Variants in ALK observed in about 807,000 individuals in gnomAD.
ALK encodes the protein ALK tyrosine kinase receptor.
A neutral mutation model predicts 163.1 loss-of-function variants in ALK; 74 were observed. The ratio of observed to expected loss-of-function variants is 0.45; its 90% confidence interval spans 0.38 to 0.55. The LOEUF is 0.55. ALK is among the 20% of genes least tolerant of loss of function. The probability of loss-of-function intolerance (pLI) is 0.00; values close to 1 mark genes in which losing one functional copy is unlikely to be tolerated. For missense variants in ALK, 2,063 were observed against 2,105.3 expected (o/e 0.98, Z 0.39); for synonymous variants, 960 against 843.2 (o/e 1.14, Z -2.40).
At chr2:29,464,880 G>A (rs1671170681) in intron 4 of ALK, among the ~76,000 whole-genome samples, 1 of 152,120 alleles carries the variant, frequency 6.6e-6, no homozygotes, top group Non-Finnish European at 1.5e-5. Context: ...CATTAGACTT[G>A]AAGACAAAGC....
intron 8 of ALK, among the ~76,000 whole-genome samples, chr2:29,305,733 G>C (rs1279911575): frequency 6.6e-6 from 1 of 152,218 alleles, no homozygotes; most frequent in Non-Finnish European, 1.5e-5. Flanking sequence ...TCTGACACCA[G>C]AGACCAGTTT....
intron 23 of ALK, among the ~76,000 whole-genome samples, chr2:29,215,293 G>A (rs964449225): frequency 6.6e-6 from 1 of 152,204 alleles, no homozygotes; most frequent in African/African-American, 2.4e-5. Context: ...GGCTTAGCCT[G>A]CTGGAGGTTT....
At chr2:29,310,725 C>G (rs766688287) in intron 8 of ALK, among the ~76,000 whole-genome samples, 3 of 152,220 alleles carry the variant, frequency 2.0e-5, no homozygotes, top group Non-Finnish European at 4.4e-5. Flanking sequence ...GTCCCTCCCT[C>G]GCTCATCCCT....
chr2:29,530,725 A>T (rs1181730050), intron 4 of ALK, among the ~76,000 whole-genome samples: 2 of 152,198 alleles, frequency 1.3e-5, no homozygotes, highest in African/African-American at 4.8e-5. Flanking sequence ...GGTCCCAAAC[A>T]AGGGGCAGCC....
chr2:29,515,868 GA>G (rs937305323), intron 4 of ALK, among the ~76,000 whole-genome samples: 2 of 152,210 alleles, frequency 1.3e-5, no homozygotes, highest in African/African-American at 2.4e-5. Flanking sequence ...GGCAAGAGGG[GA>G]AAGTTCAATT....
At chr2:29,545,320 G>A (rs1249433982) in intron 3 of ALK, among the ~76,000 whole-genome samples, 1 of 152,176 alleles carries the variant, frequency 6.6e-6, no homozygotes, top group African/African-American at 2.4e-5. Flanking sequence ...GCAAACTGGG[G>A]CCACTGAAAG....
At chr2:29,497,706 G>C (rs1276591007) in intron 4 of ALK, among the ~76,000 whole-genome samples, 1 of 152,126 alleles carries the variant, frequency 6.6e-6, no homozygotes, top group African/African-American at 2.4e-5. Flanking sequence ...CTTCCTTTTA[G>C]GTTCAATATT....
intron 3 of ALK, among the ~76,000 whole-genome samples, chr2:29,652,352 T>A (rs1375102265): frequency 1.3e-5 from 2 of 152,116 alleles, no homozygotes; most frequent in Non-Finnish European, 2.9e-5. Context: ...GAGTTCTCTT[T>A]GCATGATGTG....
chr2:29,864,701 A>G (rs1247870020), intron 1 of ALK, among the ~76,000 whole-genome samples: 2 of 152,218 alleles, frequency 1.3e-5, no homozygotes, highest in East Asian at 3.8e-4. Context: ...GACAAAGGAA[A>G]GAAAAGAGAA....
chr2:29,614,794 C>G (rs535957482), intron 3 of ALK, among the ~76,000 whole-genome samples: 7 of 152,084 alleles, frequency 4.6e-5, no homozygotes, highest in Non-Finnish European at 1.0e-4. Flanking sequence ...GATGTTTCTT[C>G]TTAGTAATTT....
chr2:29,512,179 T>A (rs1672540385), intron 4 of ALK, among the ~76,000 whole-genome samples: 1 of 152,192 alleles, frequency 6.6e-6, no homozygotes, highest in African/African-American at 2.4e-5. Context: ...CCAGAAATGT[T>A]ATAATAGCTT....
chr2:29,611,277 A>T (rs919579351), intron 3 of ALK, among the ~76,000 whole-genome samples: 1 of 152,164 alleles, frequency 6.6e-6, no homozygotes, highest in Admixed American at 6.6e-5. Context: ...TACAGAGAAG[A>T]ACTTTCTCTG....
chr2:29,715,998 G>T (rs1679243300), intron 2 of ALK, among the ~76,000 whole-genome samples: 1 of 152,124 alleles, frequency 6.6e-6, no homozygotes, highest in African/African-American at 2.4e-5. Flanking sequence ...ATATGGTACA[G>T]AAAGGTACAG....
chr2:29,787,266 A>G (rs1288858061), intron 1 of ALK, among the ~76,000 whole-genome samples: 1 of 152,228 alleles, frequency 6.6e-6, no homozygotes, highest in Non-Finnish European at 1.5e-5. Flanking sequence ...TTCATCTAGA[A>G]TACATGTACT....
intron 5 of ALK, among the ~76,000 whole-genome samples, chr2:29,344,265 G>T (rs954009045): frequency 6.6e-6 from 1 of 152,164 alleles, no homozygotes; most frequent in African/African-American, 2.4e-5. Context: ...AAATCCTCTC[G>T]AGAGGACTAT....
chr2:29,256,195 C>T (rs1664944968), intron 11 of ALK, among the ~76,000 whole-genome samples: 1 of 152,152 alleles, frequency 6.6e-6, no homozygotes, highest in Non-Finnish European at 1.5e-5. Flanking sequence ...TCAAGGTGAG[C>T]CTTGATCCCC....
At chr2:29,652,287 T>C (rs1373918805) in intron 3 of ALK, among the ~76,000 whole-genome samples, 1 of 152,070 alleles carries the variant, frequency 6.6e-6, no homozygotes, top group Non-Finnish European at 1.5e-5. Context: ...TGGCTTAGGG[T>C]CTGCTGCCCA....
intron 1 of ALK, among the ~76,000 whole-genome samples, chr2:29,738,163 G>A (rs1051199972): frequency 2.0e-5 from 3 of 151,854 alleles, no homozygotes; most frequent in African/African-American, 7.3e-5. Flanking sequence ...AATACTACCT[G>A]AGCCCTTGTT....
chr2:29,244,927 C>A (rs1573153612), intron 12 of ALK, among the ~76,000 whole-genome samples: 1 of 152,394 alleles, frequency 6.6e-6, no homozygotes, highest in East Asian at 1.9e-4. Flanking sequence ...GAGTCTCAGG[C>A]CTTTCTACCA....
Sources: gnomAD v4.1 joint callset for allele counts (sites outside exome capture counted in the v4.1 genomes callset) on GRCh38, gnomAD v4.1.1 for gene constraint, MANE v1.5 for transcripts, NCBI Gene and HGNC (gene_info 2026-07-23, HGNC 2026-07-21) for gene names.